The following PCDHGA2 variants were observed in gnomAD, a reference collection of about 807,000 sequenced individuals.
PCDHGA2 encodes protocadherin gamma subfamily A, 2.
A neutral mutation model predicts 59.2 loss-of-function variants in PCDHGA2; 40 were observed. The observed-to-expected ratio is 0.68, with a 90% CI of 0.52 to 0.88. The LOEUF is 0.88. PCDHGA2 is among the 40% of genes least tolerant of loss of function. The probability of loss-of-function intolerance (pLI) is 0.00; values close to 1 mark genes in which losing one functional copy is unlikely to be tolerated. For missense variants in PCDHGA2, 1,226 were observed against 1,204.0 expected, an observed-to-expected ratio of 1.02 and a Z score of -0.27; for synonymous variants, 560 against 526.0, an observed-to-expected ratio of 1.06 and a Z score of -0.89.
Position 141,485,785 on chromosome 5 carries a change from G to C in PCDHGA2, c.2425-9022G>C. ...TGGAGAAGCCTTTGGATCGAGAGAAGCAATCGGACTACCGCCTGGTGCTGA... is the reference window on the plus strand; with the variant it reads ...TGGAGAAGCCTTTGGATCGAGAGAACCAATCGGACTACCGCCTGGTGCTGA... On this transcript the variant is annotated intron_variant, in intron 1 of 3. Coordinates refer to ENST00000394576, the MANE Select transcript of PCDHGA2 (RefSeq NM_018915.4). The surrounding 1 kb of genome is among the most constrained non-coding windows in gnomAD (Gnocchi z 5.7). The C allele has an allele frequency of 1.2e-6, 2 of 1,614,214 alleles. No individual in the cohort carries two copies. The highest frequency in any genetic ancestry group is 1.7e-6 in the Non-Finnish European group (2 of 1,180,030).
rs754282972 is a variant in PCDHGA2 at position 141,341,345 on chromosome 5, T to C, written c.2374T>C (p.Ser792Pro). ...QESCEKKDFL[S>P]APQSLLEEER... ...GAGCTGTGAGAAAAAGGATTTTTTATCAGCGCCTCAATCTCTACTCGAAGA... is the reference window on the plus strand; with the variant it reads ...GAGCTGTGAGAAAAAGGATTTTTTACCAGCGCCTCAATCTCTACTCGAAGA... Residue 792 changes from serine to proline, a missense_variant, in exon 1 of 4, where the codon TCA becomes CCA. Ser to Pro is a moderately conservative substitution (Grantham distance 74). Coordinates refer to ENST00000394576, the MANE Select transcript of PCDHGA2 (RefSeq NM_018915.4). The C allele has an allele frequency of 1.2e-6, 2 of 1,614,238 alleles. No homozygotes were observed. Among genetic ancestry groups the C allele is most frequent in the Non-Finnish European group, 8.5e-7 (1 of 1,180,044 alleles).
intron 1 of PCDHGA2, among the ~76,000 whole-genome samples, chr5:141,445,447 A>C (rs974383838): frequency 6.6e-6 from 1 of 152,222 alleles, no homozygotes; most frequent in Non-Finnish European, 1.5e-5. Flanking sequence ...TGGACTAAGG[A>C]TGCAGCAATG....
chr5:141,410,215 A>G (rs2095369286), intron 1 of PCDHGA2: 11 of 1,613,894 alleles, frequency 6.8e-6, no homozygotes, highest in Non-Finnish European at 8.5e-6. Flanking sequence ...TGCAAGAGAT[A>G]CTGCCAGACC....
At position 141,364,595 on chromosome 5, in the gene PCDHGA2, A is replaced by G. The variant is rs769751864; in HGVS notation, c.2424+23200A>G. ...AAGCGGCAGCTTGGTCACCGCGGGC[A>G]GGATAGACCGGGAGGAGCTCTGCGC... On this transcript the variant is annotated intron_variant, in intron 1 of 3. Transcript: ENST00000394576. 2.5e-6 allele frequency: 4 copies of G among 1,614,210 alleles called. No homozygotes were observed. The highest frequency in any genetic ancestry group is 1.1e-5 in the South Asian group (1 of 91,092).
Position 141,476,064 on chromosome 5 carries a change from C to T in PCDHGA2, c.2425-18743C>T, listed in dbSNP as rs1593605493. On this transcript the variant is annotated intron_variant, in intron 1 of 3. Transcript: ENST00000394576. The surrounding 1 kb of genome is among the most constrained non-coding windows in gnomAD (Gnocchi z 7.6). Reference sequence around the variant, plus strand: ...CGCTAACCCGCTGAAAGTTTCTCAGCGAAATCTCAGGGACGATCTGGACCC... The same window carrying T: ...CGCTAACCCGCTGAAAGTTTCTCAGTGAAATCTCAGGGACGATCTGGACCC... 2.0e-6 allele frequency: 3 copies of T among 1,510,080 alleles called. No homozygotes were observed. In the East Asian group the frequency reaches 6.8e-5, roughly 34 times the overall value. 93.5% of individuals were successfully genotyped at this position (1,510,080 alleles called of 1,614,324 possible). A position where few individuals can be genotyped will look rare whatever the true frequency, so the allele number is the denominator to read the frequency against.
rs998267605 is a variant in PCDHGA2 at position 141,383,657 on chromosome 5, A to T, written c.2424+42262A>T. The stretch of plus-strand genomic sequence containing the variant: ...CCTCAGTACCAAGTAACTGTCCCCG[A>T]GAATGTGCCAGTGGGTACAAGACTG... On this transcript the variant is annotated intron_variant, in intron 1 of 3. Transcript: ENST00000394576. 6 of 1,614,058 alleles carry T rather than the reference A, an allele frequency of 3.7e-6. No homozygotes were observed. In the East Asian group the frequency reaches 1.3e-4, roughly 36 times the overall value.
chr5:141,489,896 C>T lies in PCDHGA2; in HGVS notation c.2425-4911C>T, dbSNP rs765318875. 3 of 1,614,180 alleles carry T rather than the reference C, an allele frequency of 1.9e-6. No homozygotes were observed. The highest frequency in any genetic ancestry group is 1.3e-5 in the African/African-American group (1 of 75,066). On this transcript the variant is annotated intron_variant, in intron 1 of 3. Coordinates refer to ENST00000394576, the MANE Select transcript of PCDHGA2 (RefSeq NM_018915.4). The surrounding 1 kb of genome is among the most constrained non-coding windows in gnomAD (Gnocchi z 4.5). ...GTGCTTACTGCTGTGGATGGGGGGA[C>T]CCCAGCCCGCTCAGGGACCACCCTT...
intron 1 of PCDHGA2, among the ~76,000 whole-genome samples, chr5:141,367,981 T>C (rs908218120): frequency 6.6e-6 from 1 of 152,212 alleles, no homozygotes; most frequent in African/African-American, 2.4e-5. Context: ...TCATCTTAAA[T>C]TAATAGATTT....
intron 1 of PCDHGA2, chr5:141,351,726 C>A: frequency 6.2e-7 from 1 of 1,613,824 alleles, no homozygotes; most frequent in Non-Finnish European, 8.5e-7. Flanking sequence ...TCTATTCTGG[C>A]CAGTGACCTG....
chr5:141,506,760 G>A (rs1018086132), intron 3 of PCDHGA2, among the ~76,000 whole-genome samples: 1 of 152,128 alleles, frequency 6.6e-6, no homozygotes, highest in Non-Finnish European at 1.5e-5. Context: ...CTAGCTTCTG[G>A]AGCAGCAAAT....
At chr5:141,376,955 G>A (rs1473018804) in intron 1 of PCDHGA2, 1 of 163,724 alleles carries the variant, frequency 6.1e-6, no homozygotes, top group Admixed American at 5.9e-5. Flanking sequence ...CCAAAGTGCT[G>A]GGATTACAGG....
chr5:141,403,415 C>A, intron 1 of PCDHGA2: 1 of 1,614,046 alleles, frequency 6.2e-7, no homozygotes, highest in East Asian at 2.2e-5. Context: ...TTATCCACTT[C>A]CAGAAGCTAT....
At chr5:141,344,948 A>C in intron 1 of PCDHGA2, 1 of 1,613,890 alleles carries the variant, frequency 6.2e-7, no homozygotes, top group Non-Finnish European at 8.5e-7. Context: ...CAATATTAAA[A>C]AGTCTAGATT....
chr5:141,365,324 A>T, intron 1 of PCDHGA2: 1 of 1,613,936 alleles, frequency 6.2e-7, no homozygotes, highest in Non-Finnish European at 8.5e-7. Context: ...TGCCAGCGCT[A>T]AGGTGGTGGT....
At chr5:141,473,010 AAAAG>A (rs1014377988) in intron 1 of PCDHGA2, among the ~76,000 whole-genome samples, 22 of 151,958 alleles carry the variant, frequency 1.4e-4, no homozygotes, top group Admixed American at 7.9e-4. Context: ...AAGAAAAAGA[AAAAG>A]AAAGAAGGAA....
intron 1 of PCDHGA2, chr5:141,360,871 G>A: frequency 1.2e-6 from 2 of 1,614,042 alleles, no homozygotes; most frequent in Non-Finnish European, 1.7e-6. Flanking sequence ...CAGCCAGGAC[G>A]TGTACAGGGT....
chr5:141,410,843 C>CTTTTTAT, intron 1 of PCDHGA2: 1 of 216,280 alleles, frequency 4.6e-6, no homozygotes. Context: ...GATATTTTGT[C>CTTTTTAT]TTTGTCTTTT....
chr5:141,448,103 A>G (rs1252710550), intron 1 of PCDHGA2, among the ~76,000 whole-genome samples: 2 of 151,992 alleles, frequency 1.3e-5, no homozygotes, highest in Non-Finnish European at 2.9e-5. Context: ...AAAAAATTAA[A>G]AGAAAAGAAA....
intron 1 of PCDHGA2, among the ~76,000 whole-genome samples, chr5:141,463,393 C>CA (rs955461719): frequency 5.7e-5 from 8 of 140,804 alleles, no homozygotes; most frequent in Non-Finnish European, 7.6e-5. Flanking sequence ...TGTCTCCAGG[C>CA]AAAAAAAATG....
Sources: gnomAD v4.1 joint callset for allele counts (sites outside exome capture counted in the v4.1 genomes callset) on GRCh38, gnomAD v4.1.1 for gene constraint, Gnocchi (gnomAD v3.1) non-coding constraint, MANE v1.5 for transcripts, NCBI Gene and HGNC (gene_info 2026-07-23, HGNC 2026-07-21) for gene names.